DENND1A: variants seen among roughly 807,000 people sequenced by gnomAD.
DENND1A encodes DENN domain-containing protein 1A.
Under a neutral mutation model 113.7 loss-of-function variants are expected in DENND1A, and 51 were observed. The ratio of observed to expected loss-of-function variants is 0.45; its 90% CI spans 0.36 to 0.57. DENND1A has a LOEUF of 0.57. DENND1A is among the 20% of genes least tolerant of loss of function. DENND1A has a pLI of 0.00. For missense variants in DENND1A, 1,258 were observed against 1,395.9 expected (o/e 0.90, Z 1.57); for synonymous variants, 565 against 570.8 (o/e 0.99, Z 0.14).
chr9:123,847,866 G>A (rs544166987), intron 2 of DENND1A, among the ~76,000 whole-genome samples: 10 of 152,210 alleles, frequency 6.6e-5, no homozygotes, highest in Admixed American at 2.0e-4. Flanking sequence ...ACCAGGAGGC[G>A]GAGGTTGCAG....
chr9:123,573,857 T>G (rs940514772), intron 12 of DENND1A, among the ~76,000 whole-genome samples: 2 of 152,022 alleles, frequency 1.3e-5, no homozygotes, highest in African/African-American at 2.4e-5. Flanking sequence ...GGGAAAGAAA[T>G]CAGTCTTTCA....
intron 1 of DENND1A, among the ~76,000 whole-genome samples, chr9:123,885,997 T>TG (rs1849020913): frequency 6.6e-6 from 1 of 152,196 alleles, no homozygotes; most frequent in Non-Finnish European, 1.5e-5. Context: ...AGGCTGGTCC[T>TG]GAACTCTTGA....
intron 21 of DENND1A, chr9:123,401,769 A>G (rs1446170666): frequency 3.7e-6 from 6 of 1,613,702 alleles, no homozygotes; most frequent in Non-Finnish European, 5.1e-6. Flanking sequence ...CACACTGCGA[A>G]GTCAGCCCCT....
intron 3 of DENND1A, among the ~76,000 whole-genome samples, chr9:123,788,240 A>T (rs1832488945): frequency 6.6e-6 from 1 of 152,188 alleles, no homozygotes. Flanking sequence ...AATACCTATT[A>T]TACTTGACAC....
chr9:123,541,212 G>C (rs1017990483), intron 13 of DENND1A, among the ~76,000 whole-genome samples: 1 of 152,302 alleles, frequency 6.6e-6, no homozygotes, highest in South Asian at 2.1e-4. Flanking sequence ...GTTGCATTAA[G>C]TAATTTCAAT....
chr9:123,603,177 A>T (rs1034972560), intron 11 of DENND1A, among the ~76,000 whole-genome samples: 1 of 152,238 alleles, frequency 6.6e-6, no homozygotes, highest in Non-Finnish European at 1.5e-5. Context: ...GAAAGGAACA[A>T]AGCATGAAAG....
chr9:123,652,173 T>A, intron 8 of DENND1A, 50 bp from the exon 9 acceptor site: 4 of 1,428,008 alleles, frequency 2.8e-6, no homozygotes, highest in Non-Finnish European at 3.9e-6. Context: ...TTTGTTCTTA[T>A]TATAACTGTA....
intron 9 of DENND1A, among the ~76,000 whole-genome samples, chr9:123,637,271 T>G (rs1259288863): frequency 6.6e-6 from 1 of 151,848 alleles, no homozygotes; most frequent in Non-Finnish European, 1.5e-5. Context: ...TAAAGGGAGG[T>G]CATTCTTAAG....
intron 5 of DENND1A, among the ~76,000 whole-genome samples, chr9:123,706,995 A>G (rs1011131027): frequency 6.6e-6 from 1 of 152,180 alleles, no homozygotes; most frequent in East Asian, 1.9e-4. Context: ...AGTTCAAGGG[A>G]AAAGTCCATG....
chr9:123,634,209 C>G (rs997893661), intron 9 of DENND1A, among the ~76,000 whole-genome samples: 1 of 152,150 alleles, frequency 6.6e-6, no homozygotes, highest in African/African-American at 2.4e-5. Flanking sequence ...TTTAAAATTA[C>G]TTATCCTTCA....
At chr9:123,420,439 C>T (rs2045170307) in intron 19 of DENND1A, among the ~76,000 whole-genome samples, 1 of 152,122 alleles carries the variant, frequency 6.6e-6, no homozygotes, top group Admixed American at 6.5e-5. Flanking sequence ...AGGGGGTGCT[C>T]AGGATCGAAG....
At chr9:123,920,257 C>T (rs976035099) in intron 1 of DENND1A, among the ~76,000 whole-genome samples, 1 of 152,038 alleles carries the variant, frequency 6.6e-6, no homozygotes, top group Admixed American at 6.6e-5. Context: ...CTGGAGAAAT[C>T]CGTCTCTACT....
At chr9:123,581,736 C>T (rs926403202) in intron 12 of DENND1A, among the ~76,000 whole-genome samples, 3 of 152,170 alleles carry the variant, frequency 2.0e-5, no homozygotes, top group African/African-American at 7.2e-5. Context: ...GATGGTGCAC[C>T]AATGCCCACC....
intron 2 of DENND1A, among the ~76,000 whole-genome samples, chr9:123,801,660 A>G (rs547883323): frequency 1.3e-5 from 2 of 152,368 alleles, no homozygotes; most frequent in Middle Eastern, 6.8e-3. Context: ...TTACTGGATC[A>G]TATAATAATT....
chr9:123,530,366 T>C (rs770996178), intron 13 of DENND1A, among the ~76,000 whole-genome samples: 28 of 151,952 alleles, frequency 1.8e-4, no homozygotes, highest in Non-Finnish European at 3.4e-4. Context: ...ACAGACTGTT[T>C]GCCAATAGAA....
intron 13 of DENND1A, among the ~76,000 whole-genome samples, chr9:123,556,925 G>A (rs2057449634): frequency 6.6e-6 from 1 of 152,216 alleles, no homozygotes; most frequent in Non-Finnish European, 1.5e-5. Context: ...GCAATCACGA[G>A]TCACTTCCTG....
At chr9:123,453,881 A>G (rs1489375061) in intron 16 of DENND1A, among the ~76,000 whole-genome samples, 1 of 152,150 alleles carries the variant, frequency 6.6e-6, no homozygotes, top group Non-Finnish European at 1.5e-5. Flanking sequence ...GGTCCTTTGG[A>G]GTATTGAAAC....
intron 9 of DENND1A, among the ~76,000 whole-genome samples, chr9:123,635,032 G>A (rs921679374): frequency 1.3e-5 from 2 of 152,208 alleles, no homozygotes; most frequent in African/African-American, 4.8e-5. Context: ...GGCAGTGGGA[G>A]TAGGACATGA....
At chr9:123,795,716 C>A (rs1300210388) in intron 2 of DENND1A, among the ~76,000 whole-genome samples, 1 of 152,184 alleles carries the variant, frequency 6.6e-6, no homozygotes, top group African/African-American at 2.4e-5. Context: ...ATTTATATAT[C>A]TATTTCTTTA....
Sources: allele counts gnomAD v4.1 joint callset (sites outside exome capture counted in the v4.1 genomes callset), GRCh38; gene constraint gnomAD v4.1.1; transcripts MANE v1.5; gene names NCBI Gene and HGNC (gene_info 2026-07-23, HGNC 2026-07-21).